CREB5: variants seen among roughly 807,000 people sequenced by gnomAD.
CREB5 encodes cAMP responsive element binding protein 5, also known as cyclic AMP-responsive element-binding protein 5.
CREB5 carries 19 observed loss-of-function variants against 57.1 expected under a neutral mutation model. The ratio of observed to expected loss-of-function variants is 0.33; its 90% CI spans 0.23 to 0.49. CREB5 has a LOEUF of 0.49. Ranked by LOEUF, CREB5 falls within the 20% of genes least tolerant of loss-of-function variation. CREB5 has a pLI of 0.99. For synonymous variants in CREB5, 238 were observed against 238.3 expected, an observed-to-expected ratio of 1.00 and a Z score of 0.01; for missense variants, 579 against 671.6, an observed-to-expected ratio of 0.86 and a Z score of 1.52.
At chr7:28,471,592 T>C (rs1288023850) in intron 1 of CREB5, among the ~76,000 whole-genome samples, 1 of 152,196 alleles carries the variant, frequency 6.6e-6, no homozygotes, top group East Asian at 1.9e-4. Flanking sequence ...ATTTAATCTT[T>C]ATCACAACGC....
chr7:28,534,935 G>A (rs2128624279), intron 4 of CREB5, among the ~76,000 whole-genome samples: 1 of 141,268 alleles, frequency 7.1e-6, no homozygotes, highest in South Asian at 2.2e-4. Flanking sequence ...AGTTCTCAAG[G>A]CCCTGATGTC....
intron 1 of CREB5, among the ~76,000 whole-genome samples, chr7:28,461,248 T>C (rs973384327): frequency 6.7e-6 from 1 of 148,838 alleles, no homozygotes; most frequent in African/African-American, 2.5e-5. Context: ...AAAAAAAAGA[T>C]ATAGTCCCCA....
chr7:28,429,741 T>C (rs893383569), intron 1 of CREB5, among the ~76,000 whole-genome samples: 6 of 152,244 alleles, frequency 3.9e-5, no homozygotes, highest in African/African-American at 1.4e-4. Context: ...GCTACTTTGT[T>C]GCATTTCTGT....
intron 1 of CREB5, among the ~76,000 whole-genome samples, chr7:28,316,575 C>T (rs182676369): frequency 6.9e-4 from 105 of 152,064 alleles, no homozygotes; most frequent in African/African-American, 2.3e-3. Flanking sequence ...TGTCTGCCAT[C>T]CATTGGGCAT....
At chr7:28,764,464 T>C (rs1449907734) in intron 7 of CREB5, among the ~76,000 whole-genome samples, 1 of 152,100 alleles carries the variant, frequency 6.6e-6, no homozygotes, top group African/African-American at 2.4e-5. Flanking sequence ...ATTCATAATG[T>C]TTAAGAGAAG....
intron 4 of CREB5, among the ~76,000 whole-genome samples, chr7:28,515,275 G>T (rs188847952): frequency 6.6e-6 from 1 of 152,188 alleles, no homozygotes; most frequent in African/African-American, 2.4e-5. Flanking sequence ...TATGTGGACC[G>T]TCTTGGCCTT....
At chr7:28,417,160 T>A (rs1004400093) in intron 1 of CREB5, among the ~76,000 whole-genome samples, 1 of 152,156 alleles carries the variant, frequency 6.6e-6, no homozygotes, top group Non-Finnish European at 1.5e-5. Context: ...TGTCCGGTAG[T>A]GAGAGCTGCA....
chr7:28,677,537 C>T (rs989945518), intron 5 of CREB5, among the ~76,000 whole-genome samples: 2 of 152,134 alleles, frequency 1.3e-5, no homozygotes, highest in South Asian at 4.1e-4. Flanking sequence ...AAGAGCATAG[C>T]TTGAAGTTTA....
intron 3 of CREB5, 92 bp from the exon 4 acceptor site, chr7:28,507,524 G>T: frequency 6.9e-7 from 1 of 1,440,340 alleles, no homozygotes; most frequent in Non-Finnish European, 9.3e-7. Context: ...TTTAATTAAG[G>T]CAAGGGGAGG....
At chr7:28,680,786 A>AT (rs912776154) in intron 5 of CREB5, among the ~76,000 whole-genome samples, 2 of 150,118 alleles carry the variant, frequency 1.3e-5, no homozygotes, top group Non-Finnish European at 3.0e-5. Context: ...AAAAAAAAAA[A>AT]TTGGACCTCC....
chr7:28,702,093 T>C (rs1801888995), intron 5 of CREB5, among the ~76,000 whole-genome samples: 1 of 152,190 alleles, frequency 6.6e-6, no homozygotes. Context: ...TTTTGAGTAA[T>C]ATAACAGAAG....
intron 7 of CREB5, among the ~76,000 whole-genome samples, chr7:28,791,386 G>A (rs1022408664): frequency 6.6e-6 from 1 of 151,910 alleles, no homozygotes; most frequent in Non-Finnish European, 1.5e-5. Flanking sequence ...CTTCCTTCTT[G>A]CCTTCCCCAT....
chr7:28,330,170 C>T (rs55888107), intron 1 of CREB5, among the ~76,000 whole-genome samples: 2,343 of 152,310 alleles, frequency 0.015, 24 homozygotes, highest in Non-Finnish European at 0.022. Context: ...CAGCCCGATT[C>T]TCTCGTGTTG....
chr7:28,726,587 A>G (rs952085335), intron 7 of CREB5: 5 of 152,056 alleles, frequency 3.3e-5, no homozygotes, highest in African/African-American at 1.2e-4. Context: ...TCTCTGAACT[A>G]TGGGCTTTGT....
intron 5 of CREB5, among the ~76,000 whole-genome samples, chr7:28,636,785 C>T (rs1798437364): frequency 6.6e-6 from 1 of 152,180 alleles, no homozygotes; most frequent in South Asian, 2.1e-4. Context: ...TTTAGGGCCT[C>T]ATCACCCTTT....
intron 1 of CREB5, among the ~76,000 whole-genome samples, chr7:28,480,614 A>G (rs906033412): frequency 2.0e-5 from 3 of 152,228 alleles, no homozygotes; most frequent in Admixed American, 6.5e-5. Flanking sequence ...GAAACAAGCT[A>G]AATTATTTGG....
rs141885240 is a variant in CREB5 at position 28,327,452 on chromosome 7, C to T, written c.-25+28011C>T. ...GGCCTAACACTCATCTGCAATTCAG[C>T]GGCATTCCTTGCACATAGAAGGTGT... On this transcript the variant is annotated intron_variant, in intron 1 of 9. Coordinates refer to the CREB5 transcript ENST00000396299. Among the ~76,000 whole-genome samples the T allele has an allele frequency of 5.0e-3, 765 of 152,208 alleles. 1 individual carries two copies. Among genetic ancestry groups the T allele is most frequent in the South Asian group, 0.013 (64 of 4,812 alleles).
chr7:28,621,891 C>G lies in CREB5; in HGVS notation c.464+51354C>G, dbSNP rs1797804989. ...ATTTATTGTTTTAATTGAGGAAGAG[C>G]CTGTAATCCAAATAAACTATGTTGA... On this transcript the variant is annotated intron_variant, in intron 5 of 10. Coordinates refer to ENST00000357727, the MANE Select transcript of CREB5 (RefSeq NM_182898.4). 4.6e-5 allele frequency among the ~76,000 whole-genome samples: 7 copies of G among 152,192 alleles called. No homozygotes were observed. In the South Asian group the frequency reaches 1.2e-3, roughly 27 times the overall value.
At chr7:28,407,835 A>G (rs1787616635), upstream of CREB5, among the ~76,000 whole-genome samples, 1 of 152,224 alleles carries the variant, frequency 6.6e-6, no homozygotes, top group African/African-American at 2.4e-5. Context: ...AATCCAGGCA[A>G]TGTATTACAG....
Sources: gnomAD v4.1 joint callset for allele counts (sites outside exome capture counted in the v4.1 genomes callset) on GRCh38, gnomAD v4.1.1 for gene constraint, MANE v1.5 for transcripts, NCBI Gene and HGNC (gene_info 2026-07-23, HGNC 2026-07-21) for gene names.